The following CALN1 variants were observed in gnomAD, a reference collection of about 807,000 sequenced individuals.
CALN1 encodes calneuron 1, also known as calcium-binding protein 8.
CALN1 carries 17 observed loss-of-function variants against 30.6 expected under a neutral mutation model. That is an observed-to-expected ratio of 0.56 (90% CI 0.38 to 0.83). The LOEUF is 0.83. Ranked by LOEUF, CALN1 falls within the 40% of genes least tolerant of loss-of-function variation. The pLI is 0.00. For missense variants in CALN1, 291 were observed against 354.9 expected (o/e 0.82, Z 1.45); for synonymous variants, 156 against 131.4 (o/e 1.19, Z -1.28).
chr7:72,409,782 G>A (rs928575485), intron 1 of CALN1, among the ~76,000 whole-genome samples: 19 of 152,004 alleles, frequency 1.2e-4, no homozygotes, highest in African/African-American at 4.1e-4. Flanking sequence ...GCTGTTACTC[G>A]AAGACCCAAT....
At chr7:71,991,175 T>C (rs571278420) in intron 5 of CALN1, among the ~76,000 whole-genome samples, 1 of 152,068 alleles carries the variant, frequency 6.6e-6, no homozygotes, top group South Asian at 2.1e-4. Context: ...AAGAAAATAA[T>C]AGGCCAGGCA....
intron 5 of CALN1, among the ~76,000 whole-genome samples, chr7:71,917,583 G>C (rs902726085): frequency 6.6e-6 from 1 of 152,032 alleles, no homozygotes; most frequent in African/African-American, 2.4e-5. Flanking sequence ...TGCATGGCTG[G>C]GGAGGCCTCA....
intron 5 of CALN1, among the ~76,000 whole-genome samples, chr7:71,821,364 GAA>G (rs1491434586): frequency 3.3e-5 from 5 of 152,246 alleles, no homozygotes; most frequent in East Asian, 1.9e-4. Context: ...TGAAGAAGAA[GAA>G]GTTTAAAGGA....
chr7:72,104,707 C>T (rs1806953747), intron 4 of CALN1, among the ~76,000 whole-genome samples: 1 of 152,110 alleles, frequency 6.6e-6, no homozygotes, highest in African/African-American at 2.4e-5. Flanking sequence ...ACCCGTAATC[C>T]CAGCACTTTG....
chr7:72,260,189 ACT>A (rs1303817247), intron 3 of CALN1, among the ~76,000 whole-genome samples: 2 of 152,162 alleles, frequency 1.3e-5, no homozygotes, highest in African/African-American at 2.4e-5. Context: ...ACAGAGCAAG[ACT>A]CTGTTTCTGG....
chr7:72,239,332 G>A (rs2129551187), intron 3 of CALN1, among the ~76,000 whole-genome samples: 1 of 152,086 alleles, frequency 6.6e-6, no homozygotes, highest in East Asian at 1.9e-4. Context: ...CAGGAGTGAG[G>A]CTATAATAAG....
At chr7:72,369,269 A>C (rs1415628929) in intron 2 of CALN1, among the ~76,000 whole-genome samples, 2 of 147,590 alleles carry the variant, frequency 1.4e-5, no homozygotes, top group Admixed American at 1.3e-4. Flanking sequence ...ACATTACGCA[A>C]AGTGTTATAT....
chr7:72,315,372 T>C (rs1040806176), intron 2 of CALN1, among the ~76,000 whole-genome samples: 14 of 152,112 alleles, frequency 9.2e-5, no homozygotes, highest in Admixed American at 1.3e-4. Context: ...CCAATAAGTA[T>C]ATGAAAACAA....
At chr7:72,006,202 C>T (rs1799765464) in intron 5 of CALN1, among the ~76,000 whole-genome samples, 1 of 152,016 alleles carries the variant, frequency 6.6e-6, no homozygotes, top group Admixed American at 6.6e-5. Context: ...TAAATATAAG[C>T]CAAATTTTCT....
intron 5 of CALN1, among the ~76,000 whole-genome samples, chr7:71,891,145 C>T (rs534413307): frequency 3.9e-5 from 6 of 152,098 alleles, no homozygotes; most frequent in South Asian, 2.1e-4. Context: ...GTATAATATT[C>T]GACATACAGA....
chr7:72,287,998 A>G (rs1048608709), intron 2 of CALN1, among the ~76,000 whole-genome samples: 2 of 151,964 alleles, frequency 1.3e-5, no homozygotes, highest in Admixed American at 1.3e-4. Context: ...TTATTGGTAT[A>G]TAATAAATTA....
At chr7:72,232,768 A>G (rs1156294230) in intron 3 of CALN1, among the ~76,000 whole-genome samples, 1 of 152,184 alleles carries the variant, frequency 6.6e-6, no homozygotes, top group Admixed American at 6.5e-5. Context: ...CTTAAAAAGT[A>G]TTTTTTAAAG....
At chr7:72,454,758 G>A in the CALN1 span, among the ~76,000 whole-genome samples, 230 of 151,606 alleles carry the variant, frequency 1.5e-3, no homozygotes, top group Non-Finnish European at 2.8e-3. Context: ...TTAGAAATAC[G>A]GCCCTCAGCT....
At chr7:72,190,402 C>T (rs1790518513) in intron 3 of CALN1, among the ~76,000 whole-genome samples, 1 of 152,168 alleles carries the variant, frequency 6.6e-6, no homozygotes, top group South Asian at 2.1e-4. Context: ...CACTGAGAAG[C>T]TGTAACCAGC....
chr7:72,368,116 C>T (rs1803983286), intron 2 of CALN1, among the ~76,000 whole-genome samples: 3 of 150,766 alleles, frequency 2.0e-5, no homozygotes, highest in African/African-American at 4.9e-5. Flanking sequence ...GCGAAGACTC[C>T]GTCTCAAAAA....
At chr7:72,232,748 C>A (rs1238329682) in intron 3 of CALN1, among the ~76,000 whole-genome samples, 1 of 152,168 alleles carries the variant, frequency 6.6e-6, no homozygotes, top group Non-Finnish European at 1.5e-5. Context: ...GCATGAGCCA[C>A]CACACCTGGC....
intron 5 of CALN1, among the ~76,000 whole-genome samples, chr7:71,849,016 T>C (rs544044714): frequency 8.9e-4 from 136 of 152,360 alleles, no homozygotes; most frequent in African/African-American, 3.1e-3. Flanking sequence ...TGTGAGGGTT[T>C]TTAAATTTGC....
intron 2 of CALN1, among the ~76,000 whole-genome samples, chr7:72,387,644 A>G (rs1805316723): frequency 6.6e-6 from 1 of 152,192 alleles, no homozygotes; most frequent in South Asian, 2.1e-4. Context: ...CGTCAGATGA[A>G]TCCCACTTGA....
intron 5 of CALN1, among the ~76,000 whole-genome samples, chr7:71,828,365 T>C (rs919199713): frequency 2.0e-5 from 3 of 152,026 alleles, no homozygotes; most frequent in Non-Finnish European, 2.9e-5. Flanking sequence ...TGAGAACCTA[T>C]AAATGGGTTA....
Sources: allele counts gnomAD v4.1 joint callset (sites outside exome capture counted in the v4.1 genomes callset), GRCh38; gene constraint gnomAD v4.1.1; transcripts MANE v1.5; gene names NCBI Gene and HGNC (gene_info 2026-07-23, HGNC 2026-07-21).